WWOX: variants seen among roughly 807,000 people sequenced by gnomAD.
The protein encoded by WWOX is WW domain containing oxidoreductase, also known as WW domain-containing oxidoreductase.
In WWOX, 69 loss-of-function variants were observed where a neutral mutation model predicts 46.2. That is an observed-to-expected ratio of 1.49 (90% CI 1.23 to 1.82). The LOEUF (loss-of-function observed/expected upper bound fraction) is 1.82. Ranked by LOEUF, WWOX falls within the 40% of genes most tolerant of loss-of-function variation. WWOX has a pLI of 0.00. For synonymous variants in WWOX, 359 were observed against 202.6 expected, an observed-to-expected ratio of 1.77 and a Z score of -6.56; for missense variants, 919 against 542.6, an observed-to-expected ratio of 1.69 and a Z score of -6.89.
intron 8 of WWOX, among the ~76,000 whole-genome samples, chr16:78,880,667 G>A (rs1441870159): frequency 2.6e-5 from 4 of 152,160 alleles, no homozygotes; most frequent in South Asian, 2.1e-4. Context: ...TTCACTTGCC[G>A]AACTTGCTGA....
intron 8 of WWOX, among the ~76,000 whole-genome samples, chr16:78,805,158 A>G (rs1340587571): frequency 8.1e-5 from 1 of 12,360 alleles, no homozygotes. Context: ...ATGTTTAAGG[A>G]GGCAAAGAAT....
chr16:78,767,146 G>T lies in WWOX; in HGVS notation c.1056+334394G>T, dbSNP rs1429941409. Among the ~76,000 whole-genome samples, 3 of 141,420 alleles carry T rather than the reference G, an allele frequency of 2.1e-5. No homozygotes were observed. In the East Asian group the frequency reaches 6.7e-4, roughly 32 times the overall value. 92.8% of individuals were successfully genotyped at this position (141,420 alleles called of 152,430 possible). A position where few individuals can be genotyped will look rare whatever the true frequency, so the allele number is the denominator to read the frequency against. On this transcript the variant is annotated intron_variant, in intron 8 of 8. Coordinates refer to ENST00000566780, the MANE Select transcript of WWOX (RefSeq NM_016373.4). ...CCTTCCTTCCTTCCATTTTTGACAG[G>T]GTCTCACTCTGTTGCCCAGGCTGGG...
intron 5 of WWOX, among the ~76,000 whole-genome samples, chr16:78,311,057 A>G (rs1296303016): frequency 6.6e-6 from 1 of 152,202 alleles, no homozygotes; most frequent in Non-Finnish European, 1.5e-5. Flanking sequence ...GTGATTTGTG[A>G]ATAGTCTCCC....
At chr16:79,069,483 G>A (rs75206639) in intron 8 of WWOX, among the ~76,000 whole-genome samples, 2,194 of 151,678 alleles carry the variant, frequency 0.014, 23 homozygotes, top group Non-Finnish European at 0.024. Context: ...GTAAACTTAG[G>A]AACTAAGAAC....
intron 8 of WWOX, among the ~76,000 whole-genome samples, chr16:78,948,467 G>A (rs1191220114): frequency 6.6e-6 from 1 of 152,120 alleles, no homozygotes; most frequent in South Asian, 2.1e-4. Flanking sequence ...GTCTCTTGCG[G>A]CATTTCTGCT....
At chr16:78,906,560 C>T (rs1022356618) in intron 8 of WWOX, among the ~76,000 whole-genome samples, 1 of 152,150 alleles carries the variant, frequency 6.6e-6, no homozygotes, top group African/African-American at 2.4e-5. Context: ...AAGAGAACTG[C>T]ATAAATATAC....
chr16:78,956,397 C>T (rs146922246), intron 8 of WWOX, among the ~76,000 whole-genome samples: 5,403 of 152,078 alleles, frequency 0.036, 336 homozygotes, highest in African/African-American at 0.12. Context: ...TCAAGTGATC[C>T]GCCCATCTCG....
chr16:78,584,210 C>T (rs912513840), intron 8 of WWOX, among the ~76,000 whole-genome samples: 2 of 152,212 alleles, frequency 1.3e-5, no homozygotes, highest in Non-Finnish European at 2.9e-5. Context: ...TCATCACCAT[C>T]ACCATAGCTA....
intron 8 of WWOX, among the ~76,000 whole-genome samples, chr16:78,680,563 C>G (rs2047705765): frequency 6.6e-6 from 1 of 152,228 alleles, no homozygotes; most frequent in East Asian, 1.9e-4. Flanking sequence ...TAGAGCTGGG[C>G]TATCCAATAC....
chr16:78,996,370 G>GCGGGGGGGCCCC, intron 8 of WWOX: 1 of 834,528 alleles, frequency 1.2e-6, no homozygotes, highest in Non-Finnish European at 1.4e-6. Flanking sequence ...AGTGAATTCT[G>GCGGGGGGGCCCC]CACCCACCCC....
chr16:78,779,219 A>T (rs2050266114), intron 8 of WWOX, among the ~76,000 whole-genome samples: 1 of 152,202 alleles, frequency 6.6e-6, no homozygotes, highest in African/African-American at 2.4e-5. Context: ...ATCTTGGCTC[A>T]GTACAACATC....
At chr16:78,428,246 T>C (rs998961313) in intron 7 of WWOX, among the ~76,000 whole-genome samples, 1 of 152,250 alleles carries the variant, frequency 6.6e-6, no homozygotes, top group Non-Finnish European at 1.5e-5. Context: ...TGTCAGTTTG[T>C]CAACTTGAAA....
intron 8 of WWOX, among the ~76,000 whole-genome samples, chr16:79,010,304 G>A (rs969231610): frequency 2.6e-5 from 4 of 152,206 alleles, no homozygotes; most frequent in Admixed American, 6.5e-5. Flanking sequence ...AGAGAGTGGC[G>A]TGTGCTGAGG....
At chr16:78,956,999 C>T (rs1433583986) in intron 8 of WWOX, among the ~76,000 whole-genome samples, 1 of 152,044 alleles carries the variant, frequency 6.6e-6, no homozygotes, top group Non-Finnish European at 1.5e-5. Context: ...TTCCTGGCAG[C>T]TTGAGGACTC....
chr16:78,729,907 C>A (rs2048928359), intron 8 of WWOX, among the ~76,000 whole-genome samples: 2 of 152,148 alleles, frequency 1.3e-5, no homozygotes, highest in South Asian at 4.1e-4. Context: ...TTAAACAAGA[C>A]TATGAATGTA....
At chr16:78,527,625 T>C (rs2043508169) in intron 8 of WWOX, among the ~76,000 whole-genome samples, 1 of 152,172 alleles carries the variant, frequency 6.6e-6, no homozygotes, top group South Asian at 2.1e-4. Flanking sequence ...TTTAACTACA[T>C]TTAACCATGT....
At chr16:78,661,703 C>T (rs1286441721) in intron 8 of WWOX, among the ~76,000 whole-genome samples, 1 of 152,170 alleles carries the variant, frequency 6.6e-6, no homozygotes, top group East Asian at 1.9e-4. Flanking sequence ...CAGGGAAGGG[C>T]AGTGCAAATT....
chr16:78,852,449 G>T (rs2052469081), intron 8 of WWOX, among the ~76,000 whole-genome samples: 1 of 152,166 alleles, frequency 6.6e-6, no homozygotes, highest in Admixed American at 6.5e-5. Flanking sequence ...GCATAGCAAG[G>T]AATCAGGCTT....
chr16:78,691,156 T>C, intron 8 of WWOX: 1 of 685,396 alleles, frequency 1.5e-6, no homozygotes, highest in East Asian at 2.7e-5. Context: ...AAGCACAGTA[T>C]TTCCCCCAGT....
Sources: gnomAD v4.1 joint callset for allele counts (sites outside exome capture counted in the v4.1 genomes callset) on GRCh38, gnomAD v4.1.1 for gene constraint, MANE v1.5 for transcripts, NCBI Gene and HGNC (gene_info 2026-07-23, HGNC 2026-07-21) for gene names.